Variants in ARL17A observed in about 807,000 individuals in gnomAD.
The protein encoded by ARL17A is ARF like GTPase 17A.
downstream of ARL17A, chr17:46,548,084 T>C: frequency 2.5e-5 from 3 of 119,048 alleles, no homozygotes; most frequent in Non-Finnish European, 4.1e-5. Context: ...TTACTCTATG[T>C]CACACTATGG....
rs373123013 is a variant in ARL17A, at chr17:46,542,163, CAGA to C, written c.260-3740_260-3738del. Among the ~76,000 whole-genome samples the C allele has an allele frequency of 1.4e-4, 19 of 138,880 alleles. 1 individual carries two copies. Among genetic ancestry groups the C allele is most frequent in the African/African-American group, 5.4e-4 (18 of 33,068 alleles). 91.1% of individuals were successfully genotyped at this position (138,880 alleles called of 152,430 possible). A position where few individuals can be genotyped will look rare whatever the true frequency, so the allele number is the denominator to read the frequency against. ...AGAAATAAAAATGTTTTCTGAAGAG[CAGA>C]AGTTTTTAATTTTGACCAGCTTTAA... On this transcript the variant is annotated intron_variant, in intron 3 of 4. Transcript: ENST00000329240.
intron 3 of ARL17A, among the ~76,000 whole-genome samples, chr17:46,543,187 T>A (rs1299594034): frequency 2.0e-5 from 3 of 150,668 alleles, no homozygotes; most frequent in Non-Finnish European, 2.9e-5. Flanking sequence ...GAACTAAATG[T>A]CTTATGGGAG....
chr17:46,558,836 C>CTTTTTTTTTTTT (rs765462293), intron 3 of ARL17A: 1 of 71,838 alleles, frequency 1.4e-5, no homozygotes, highest in African/African-American at 6.6e-5. Flanking sequence ...CTCTTTTATT[C>CTTTTTTTTTTTT]TTTTTTTTTT....
At chr17:46,545,885 T>C (rs1433109933) in intron 3 of ARL17A, among the ~76,000 whole-genome samples, 3 of 150,328 alleles carry the variant, frequency 2.0e-5, no homozygotes, top group Non-Finnish European at 4.4e-5. Context: ...CCAACAGGAA[T>C]TGAGAAAGGG....
At chr17:46,551,200 A>G (rs1259275223), downstream of ARL17A, among the ~76,000 whole-genome samples, 2 of 149,230 alleles carry the variant, frequency 1.3e-5, no homozygotes, top group Non-Finnish European at 2.9e-5. Flanking sequence ...GCTTGCATCA[A>G]CTTACCTAAA....
chr17:46,541,333 C>T (rs1413478258), intron 3 of ARL17A, among the ~76,000 whole-genome samples: 2 of 149,680 alleles, frequency 1.3e-5, no homozygotes, highest in African/African-American at 5.1e-5. Flanking sequence ...CTCACTGCAA[C>T]CTCCACCTCC....
the ARL17A span, among the ~76,000 whole-genome samples, chr17:46,500,936 T>G: frequency 2.0e-5 from 3 of 151,128 alleles, no homozygotes; most frequent in Non-Finnish European, 4.4e-5. Context: ...TCCCAGCACT[T>G]TGGGAGGCTG....
chr17:46,572,905 A>G (rs2057682721), intron 2 of ARL17A, among the ~76,000 whole-genome samples: 1 of 65,678 alleles, frequency 1.5e-5, no homozygotes, highest in Non-Finnish European at 3.3e-5. Flanking sequence ...GAAAAGAGGA[A>G]GAGAGAGACA....
At chr17:46,541,810 A>T (rs544965988) in intron 3 of ARL17A, among the ~76,000 whole-genome samples, 1 of 151,046 alleles carries the variant, frequency 6.6e-6, no homozygotes, top group African/African-American at 2.5e-5. Context: ...GTATACAAAC[A>T]TTATGTCATT....
At chr17:46,532,770 A>G (rs1484001058) in intron 4 of ARL17A, among the ~76,000 whole-genome samples, 2 of 147,864 alleles carry the variant, frequency 1.4e-5, no homozygotes, top group Non-Finnish European at 3.0e-5. Context: ...TAAGAACAAT[A>G]GTAATGTCCC....
chr17:46,557,981 T>C (rs1300229902), intron 3 of ARL17A, among the ~76,000 whole-genome samples: 1 of 132,850 alleles, frequency 7.5e-6, no homozygotes, highest in Non-Finnish European at 1.6e-5. Context: ...GCAGGCCATA[T>C]AGTATTGGAG....
chr17:46,550,682 T>G, downstream of ARL17A: 3 of 715,946 alleles, frequency 4.2e-6, no homozygotes, highest in Non-Finnish European at 7.1e-6. Context: ...TTTACTGCAG[T>G]GTATATTTCA....
At chr17:46,541,378 A>G (rs1344405817) in intron 3 of ARL17A, among the ~76,000 whole-genome samples, 2 of 148,186 alleles carry the variant, frequency 1.3e-5, no homozygotes, top group Non-Finnish European at 3.0e-5. Flanking sequence ...CAGCCTTCCG[A>G]GTAGCTGGGA....
intron 4 of ARL17A, among the ~76,000 whole-genome samples, chr17:46,534,319 G>A (rs1430180143): frequency 1.4e-5 from 2 of 141,686 alleles, no homozygotes; most frequent in East Asian, 4.1e-4. Flanking sequence ...AAGGTCTCTG[G>A]TTTTCCTAGG....
At chr17:46,541,934 T>G (rs2145585111) in intron 3 of ARL17A, among the ~76,000 whole-genome samples, 1 of 145,194 alleles carries the variant, frequency 6.9e-6, no homozygotes, top group East Asian at 2.0e-4. Flanking sequence ...CTGAGTAGTA[T>G]TCCGGTTGTG....
At chr17:46,544,812 T>G (rs1465029880) in intron 3 of ARL17A, among the ~76,000 whole-genome samples, 3 of 119,250 alleles carry the variant, frequency 2.5e-5, no homozygotes, top group Non-Finnish European at 5.1e-5. Flanking sequence ...TGGAAAAAAT[T>G]CAAACAAGCC....
At chr17:46,539,489 GC>G (rs1441277755) in intron 3 of ARL17A, among the ~76,000 whole-genome samples, 1 of 151,318 alleles carries the variant, frequency 6.6e-6, no homozygotes, top group African/African-American at 2.4e-5. Flanking sequence ...GCAGCCAGCC[GC>G]AGTGGCTCAT....
intron 3 of ARL17A, among the ~76,000 whole-genome samples, chr17:46,558,128 C>CAG (rs1420270714): frequency 4.7e-5 from 6 of 127,766 alleles, no homozygotes; most frequent in Non-Finnish European, 6.5e-5. Flanking sequence ...GGCACGATCT[C>CAG]AGCTCACTGC....
chr17:46,568,981 C>T (rs1394177539), intron 3 of ARL17A, among the ~76,000 whole-genome samples: 31 of 113,664 alleles, frequency 2.7e-4, no homozygotes, highest in Non-Finnish European at 5.1e-4. Flanking sequence ...CTCGCCCTGT[C>T]GCCCAGGCTG....
Sources: allele counts gnomAD v4.1 joint callset (sites outside exome capture counted in the v4.1 genomes callset), GRCh38; gene constraint gnomAD v4.1.1; transcripts MANE v1.5; gene names NCBI Gene and HGNC (gene_info 2026-07-23, HGNC 2026-07-21).